The following CCDC138 variants were observed in gnomAD, a reference collection of about 807,000 sequenced individuals.
CCDC138 encodes the protein coiled-coil domain-containing protein 138.
Under a neutral mutation model 82.3 loss-of-function variants are expected in CCDC138, and 66 were observed. That is an observed-to-expected ratio of 0.80 (90% CI 0.66 to 0.98). CCDC138 has a LOEUF of 0.98. CCDC138 is among the 50% of genes least tolerant of loss of function. The probability of loss-of-function intolerance (pLI) is 0.00; values close to 1 mark genes in which losing one functional copy is unlikely to be tolerated. For missense variants in CCDC138, 816 were observed against 758.9 expected, an observed-to-expected ratio of 1.08 and a Z score of -0.88; for synonymous variants, 297 against 265.4, an observed-to-expected ratio of 1.12 and a Z score of -1.16.
intron 10 of CCDC138, among the ~76,000 whole-genome samples, chr2:108,835,823 T>C (rs1352539065): frequency 6.6e-6 from 1 of 152,238 alleles, no homozygotes; most frequent in Non-Finnish European, 1.5e-5. Context: ...CTGCACAATC[T>C]GTAAACAACA....
intron 7 of CCDC138, among the ~76,000 whole-genome samples, chr2:108,810,418 A>G (rs1683594614): frequency 6.6e-6 from 1 of 152,104 alleles, no homozygotes; most frequent in Non-Finnish European, 1.5e-5. Flanking sequence ...AGGTAATTAT[A>G]TTTCATTCTG....
chr2:108,850,704 A>G (rs1026506355), intron 12 of CCDC138, among the ~76,000 whole-genome samples: 6 of 151,824 alleles, frequency 4.0e-5, no homozygotes, highest in East Asian at 1.9e-4. Flanking sequence ...GCCCGCCTCA[A>G]CCTCCCAAAG....
chr2:108,799,506 A>T (rs1681538090), intron 6 of CCDC138, among the ~76,000 whole-genome samples: 1 of 152,206 alleles, frequency 6.6e-6, no homozygotes, highest in Non-Finnish European at 1.5e-5. Context: ...TTTCTGTCCC[A>T]GTACATCTGC....
intron 14 of CCDC138, among the ~76,000 whole-genome samples, chr2:108,874,938 G>A (rs201990601): frequency 6.7e-6 from 1 of 149,142 alleles, no homozygotes; most frequent in African/African-American, 2.5e-5. Flanking sequence ...TTTTTTTAAA[G>A]GTAGTCCCAA....
intron 10 of CCDC138, among the ~76,000 whole-genome samples, chr2:108,820,699 C>CAAAAAAAAAAAA (rs764017401): frequency 1.8e-4 from 11 of 62,574 alleles, no homozygotes; most frequent in African/African-American, 3.2e-4. Context: ...ATTCAAAGTG[C>CAAAAAAAAAAAA]AAAAAAAAAA....
chr2:108,854,915 C>T (rs147099109), intron 12 of CCDC138, among the ~76,000 whole-genome samples: 24 of 152,238 alleles, frequency 1.6e-4, no homozygotes, highest in African/African-American at 5.5e-4. Context: ...ACTTTCTAAT[C>T]ATTTTTAAAT....
chr2:108,830,629 A>G (rs1451411187), intron 10 of CCDC138, among the ~76,000 whole-genome samples: 1 of 151,340 alleles, frequency 6.6e-6, no homozygotes, highest in Non-Finnish European at 1.5e-5. Context: ...CAATGTGGTG[A>G]AACTCTGTCT....
At chr2:108,883,075 A>G (rs1696336186) in intron 2 of CCDC138, 1 of 152,120 alleles carries the variant, frequency 6.6e-6, no homozygotes, top group African/African-American at 2.4e-5. Context: ...CTTATTTTCC[A>G]CTGTATTTCA....
intron 1 of CCDC138, among the ~76,000 whole-genome samples, chr2:108,787,269 A>G (rs980463158): frequency 2.6e-5 from 4 of 152,262 alleles, no homozygotes; most frequent in African/African-American, 4.8e-5. Context: ...GACTTACTCA[A>G]AAGTTGCTGC....
At chr2:108,869,686 A>G (rs1184194648) in intron 13 of CCDC138, among the ~76,000 whole-genome samples, 1 of 152,122 alleles carries the variant, frequency 6.6e-6, no homozygotes, top group Non-Finnish European at 1.5e-5. Flanking sequence ...CAGAGGAAAC[A>G]AGAAAAAAAG....
chr2:108,799,316 T>C lies in CCDC138; in HGVS notation c.735+730T>C, dbSNP rs554223372. Among the ~76,000 whole-genome samples the C allele has an allele frequency of 7.2e-5, 11 of 152,342 alleles. 1 individual carries two copies. In the East Asian group the frequency reaches 1.7e-3, roughly 24 times the overall value. ...ATTAAGATATATTTTACTGTACATATAACTTACTTGGAGTAAAATTCATTG... is the reference window on the plus strand; with the variant it reads ...ATTAAGATATATTTTACTGTACATACAACTTACTTGGAGTAAAATTCATTG... On this transcript the variant is annotated intron_variant, in intron 6 of 14. Coordinates refer to ENST00000295124, the MANE Select transcript of CCDC138 (RefSeq NM_144978.3).
At chr2:108,793,659 C>G (rs994355608) in intron 4 of CCDC138, among the ~76,000 whole-genome samples, 3 of 151,476 alleles carry the variant, frequency 2.0e-5, no homozygotes, top group East Asian at 2.0e-4. Context: ...TGCAGTAGCG[C>G]GATCTGGGCT....
chr2:108,864,116 G>C (rs188581717), intron 13 of CCDC138, among the ~76,000 whole-genome samples: 6 of 151,722 alleles, frequency 4.0e-5, no homozygotes, highest in Non-Finnish European at 5.9e-5. Context: ...CAACTTTTAA[G>C]TTTGTGTTAT....
intron 4 of CCDC138, among the ~76,000 whole-genome samples, chr2:108,792,957 G>A (rs536707925): frequency 2.6e-5 from 4 of 151,614 alleles, no homozygotes; most frequent in South Asian, 2.1e-4. Context: ...CCAGTTACTC[G>A]GGAGGCTGAG....
At chr2:108,839,134 C>T (rs745840013) in intron 10 of CCDC138, 51 bp from the exon 11 acceptor site, 1 of 1,521,014 alleles carries the variant, frequency 6.6e-7, no homozygotes, top group South Asian at 1.3e-5. Flanking sequence ...TGATTTAAGA[C>T]ATTTAAAAAT....
chr2:108,828,324 A>G (rs1219204967), intron 10 of CCDC138, among the ~76,000 whole-genome samples: 1 of 152,244 alleles, frequency 6.6e-6, no homozygotes, highest in Non-Finnish European at 1.5e-5. Context: ...ACGTAAAAAC[A>G]TAAAACTTTT....
At chr2:108,870,746 G>T (rs1419048614) in intron 13 of CCDC138, among the ~76,000 whole-genome samples, 1 of 152,200 alleles carries the variant, frequency 6.6e-6, no homozygotes, top group Non-Finnish European at 1.5e-5. Flanking sequence ...TATCTTCTAT[G>T]ATTCCTCTTA....
chr2:108,849,749 C>T (rs1691135030), intron 12 of CCDC138, among the ~76,000 whole-genome samples: 1 of 152,238 alleles, frequency 6.6e-6, no homozygotes, highest in South Asian at 2.1e-4. Flanking sequence ...ATAGTCTGGC[C>T]TCTCCCAGCC....
chr2:108,810,472 A>G (rs1683603017), intron 7 of CCDC138, among the ~76,000 whole-genome samples: 1 of 151,972 alleles, frequency 6.6e-6, no homozygotes, highest in Non-Finnish European at 1.5e-5. Context: ...ACATTTTTTT[A>G]TTTGCATATT....
Sources: gnomAD v4.1 joint callset for allele counts (sites outside exome capture counted in the v4.1 genomes callset) on GRCh38, gnomAD v4.1.1 for gene constraint, MANE v1.5 for transcripts, NCBI Gene and HGNC (gene_info 2026-07-23, HGNC 2026-07-21) for gene names.